GRIK1: variants seen among roughly 807,000 people sequenced by gnomAD.
GRIK1 encodes the protein glutamate receptor ionotropic, kainate 1.
Under a neutral mutation model 105.7 loss-of-function variants are expected in GRIK1, and 69 were observed. That is an observed-to-expected ratio of 0.65 (90% CI 0.54 to 0.80). The LOEUF (loss-of-function observed/expected upper bound fraction) is 0.80, where lower values mean the gene tolerates loss of function less well. Among genes scored for constraint, GRIK1 ranks in the 30% least tolerant of loss-of-function variants. The pLI is 0.00. For missense variants in GRIK1, 1,109 were observed against 1,167.3 expected, an observed-to-expected ratio of 0.95 and a Z score of 0.73; for synonymous variants, 438 against 431.3, an observed-to-expected ratio of 1.02 and a Z score of -0.19.
chr21:29,792,897 T>G (rs1324281947), intron 1 of GRIK1, among the ~76,000 whole-genome samples: 1 of 152,226 alleles, frequency 6.6e-6, no homozygotes, highest in Non-Finnish European at 1.5e-5. Context: ...ATATCTGCTT[T>G]TTTATTTTTA....
rs76731348 is a variant in GRIK1 at position 29,562,940 on chromosome 21, C to T, written c.2131-1091G>A. 8.2e-3 allele frequency among the ~76,000 whole-genome samples: 1,250 copies of T among 151,976 alleles called. 21 individuals carry two copies. The highest frequency in any genetic ancestry group is 0.028 in the African/African-American group (1,181 of 41,462). On this transcript the variant is annotated intron_variant, in intron 14 of 17. Transcript: ENST00000327783. ...TCATATTACTTAAATATGAATTTTC[C>T]ATTCTTTTGAATAGTGATCTATGAT...
intron 1 of GRIK1, among the ~76,000 whole-genome samples, chr21:29,709,691 A>G (rs1395571033): frequency 1.3e-5 from 2 of 152,004 alleles, no homozygotes; most frequent in East Asian, 3.8e-4. Context: ...GTTTTCAAAA[A>G]CAAATCATAC....
rs2061811711 is a variant in GRIK1 at position 29,614,874 on chromosome 21, C to T, written c.1099-15937G>A. 2.6e-5 allele frequency among the ~76,000 whole-genome samples: 4 copies of T among 151,464 alleles called. No homozygotes were observed. In the South Asian group the frequency reaches 8.3e-4, roughly 31 times the overall value. On this transcript the variant is annotated intron_variant, in intron 7 of 17. Coordinates refer to ENST00000327783, the MANE Select transcript of GRIK1 (RefSeq NM_001330994.2). ...CACATAATAATTCACGAATTTGTTC[C>T]CAGTACTCTCTCTCCCTAAAAATTC... is the stretch of plus-strand genomic sequence containing the variant.
At chr21:29,618,156 T>C (rs77335358) in intron 7 of GRIK1, among the ~76,000 whole-genome samples, 3,478 of 152,250 alleles carry the variant, frequency 0.023, 124 homozygotes, top group East Asian at 0.18. Flanking sequence ...GCATTCTTCC[T>C]AGGGTTCCCA....
At chr21:29,579,991 A>C (rs982652928) in intron 13 of GRIK1, among the ~76,000 whole-genome samples, 1 of 117,492 alleles carries the variant, frequency 8.5e-6, no homozygotes, top group Non-Finnish European at 1.7e-5. Flanking sequence ...ATGTGTGTAT[A>C]TATATGTATA....
chr21:29,846,461 GAGA>G (rs2068121125), intron 1 of GRIK1, among the ~76,000 whole-genome samples: 2 of 129,080 alleles, frequency 1.5e-5, no homozygotes, highest in Non-Finnish European at 3.3e-5. Context: ...AGGAAAGAGA[GAGA>G]GAAAGAAAGA....
chr21:29,937,283 G>T (rs997770569), intron 1 of GRIK1, among the ~76,000 whole-genome samples: 1 of 152,114 alleles, frequency 6.6e-6, no homozygotes, highest in Non-Finnish European at 1.5e-5. Context: ...GGTGCATACG[G>T]GGCAACAGTG....
intron 1 of GRIK1, among the ~76,000 whole-genome samples, chr21:29,878,725 A>G (rs1199894662): frequency 6.6e-6 from 1 of 152,180 alleles, no homozygotes; most frequent in Non-Finnish European, 1.5e-5. Flanking sequence ...CTTCCATCAC[A>G]TGAAGACACA....
chr21:29,780,714 G>C (rs2066071909), intron 1 of GRIK1, among the ~76,000 whole-genome samples: 1 of 152,196 alleles, frequency 6.6e-6, no homozygotes, highest in Non-Finnish European at 1.5e-5. Flanking sequence ...CTGATGATTA[G>C]ATATTGTTCT....
At chr21:29,886,924 G>GA (rs2069652871) in intron 1 of GRIK1, among the ~76,000 whole-genome samples, 1 of 152,106 alleles carries the variant, frequency 6.6e-6, no homozygotes, top group Non-Finnish European at 1.5e-5. Flanking sequence ...ATTAGGGGAA[G>GA]AAAAAACATC....
intron 7 of GRIK1, among the ~76,000 whole-genome samples, chr21:29,618,552 C>G (rs1314771990): frequency 6.6e-6 from 1 of 152,134 alleles, no homozygotes; most frequent in African/African-American, 2.4e-5. Flanking sequence ...AAAAAGATAC[C>G]TGCACATGCA....
intron 1 of GRIK1, among the ~76,000 whole-genome samples, chr21:29,708,768 T>A: frequency 6.6e-6 from 1 of 152,260 alleles, no homozygotes; most frequent in East Asian, 1.9e-4. Context: ...AATCCATCTT[T>A]TAAGCCTCAA....
intron 1 of GRIK1, among the ~76,000 whole-genome samples, chr21:29,839,677 C>T (rs987071779): frequency 6.6e-6 from 1 of 152,018 alleles, no homozygotes; most frequent in South Asian, 2.1e-4. Context: ...AAGTGATAGT[C>T]CCACTTATTT....
chr21:29,655,715 G>C (rs2062835352), intron 4 of GRIK1, among the ~76,000 whole-genome samples: 1 of 152,162 alleles, frequency 6.6e-6, no homozygotes, highest in African/African-American at 2.4e-5. Flanking sequence ...TTCATTTACA[G>C]ATAAAAGGAT....
chr21:29,891,342 G>A (rs75275236), intron 1 of GRIK1, among the ~76,000 whole-genome samples: 15 of 152,150 alleles, frequency 9.9e-5, no homozygotes, highest in Non-Finnish European at 1.6e-4. Context: ...TGATTCAAAC[G>A]TGGAGAAGGG....
chr21:29,550,860 C>T (rs1405674688), intron 16 of GRIK1, among the ~76,000 whole-genome samples: 1 of 152,002 alleles, frequency 6.6e-6, no homozygotes, highest in African/African-American at 2.4e-5. Flanking sequence ...ATTTTCTATG[C>T]CATGATTTTA....
rs372554978 is a variant in GRIK1, at chr21:29,785,539, G to A, written c.119-91476C>T. On this transcript the variant is annotated intron_variant, in intron 1 of 17. Transcript: ENST00000327783. ...AGATTGCATCACTGCACTCCAGCCT[G>A]GGCGACAGAGTGAGACTGTCTCAAA... is the stretch of plus-strand genomic sequence containing the variant. Among the ~76,000 whole-genome samples the A allele has an allele frequency of 2.5e-4, 37 of 146,682 alleles. No homozygotes were observed. The South Asian group carries it at 7.9e-3, about 31-fold the overall frequency.
chr21:29,543,082 C>T (rs753463996), intron 16 of GRIK1, among the ~76,000 whole-genome samples: 1 of 151,980 alleles, frequency 6.6e-6, no homozygotes, highest in Non-Finnish European at 1.5e-5. Flanking sequence ...GAAATAGTTT[C>T]CTGAAAAATA....
chr21:29,635,766 T>C (rs2062386422), intron 7 of GRIK1, among the ~76,000 whole-genome samples: 1 of 152,066 alleles, frequency 6.6e-6, no homozygotes, highest in Non-Finnish European at 1.5e-5. Flanking sequence ...ATGTCCTGGG[T>C]TATAGTCAAT....
Sources: gnomAD v4.1 joint callset for allele counts (sites outside exome capture counted in the v4.1 genomes callset) on GRCh38, gnomAD v4.1.1 for gene constraint, MANE v1.5 for transcripts, NCBI Gene and HGNC (gene_info 2026-07-23, HGNC 2026-07-21) for gene names.